The following TRPM3 variants were observed in gnomAD, a reference collection of about 807,000 sequenced individuals.
TRPM3 encodes the protein transient receptor potential cation channel subfamily M member 3.
A neutral mutation model predicts 181.2 loss-of-function variants in TRPM3; 77 were observed. The observed-to-expected ratio is 0.42, with a 90% confidence interval of 0.35 to 0.51. The LOEUF is 0.51. TRPM3 is among the 20% of genes least tolerant of loss of function. The probability of loss-of-function intolerance (pLI) is 0.01; values close to 1 mark genes in which losing one functional copy is unlikely to be tolerated. For missense variants in TRPM3, 1,759 were observed against 2,196.7 expected (o/e 0.80, Z 3.98); for synonymous variants, 745 against 796.4 (o/e 0.94, Z 1.09).
intron 1 of TRPM3, among the ~76,000 whole-genome samples, chr9:70,952,657 A>G (rs2097016735): frequency 1.3e-5 from 2 of 152,160 alleles, no homozygotes; most frequent in Non-Finnish European, 2.9e-5. Flanking sequence ...AAAGAGCGAA[A>G]AATTGGAAGT....
At chr9:70,843,630 T>G (rs2094816566) in intron 4 of TRPM3, among the ~76,000 whole-genome samples, 1 of 152,198 alleles carries the variant, frequency 6.6e-6, no homozygotes, top group Non-Finnish European at 1.5e-5. Flanking sequence ...AAGACAATGT[T>G]GGATTATTCT....
chr9:70,794,403 C>A (rs1229488080), intron 6 of TRPM3, among the ~76,000 whole-genome samples: 1 of 152,188 alleles, frequency 6.6e-6, no homozygotes. Context: ...GAGAGCAGCA[C>A]CACCTTCTAC....
intron 1 of TRPM3, among the ~76,000 whole-genome samples, chr9:71,151,161 T>C (rs1429149573): frequency 6.6e-6 from 1 of 152,180 alleles, no homozygotes; most frequent in Non-Finnish European, 1.5e-5. Context: ...GTTGAATAGG[T>C]AAAAATCTAA....
chr9:70,583,442 T>C (rs2056445315), intron 22 of TRPM3, among the ~76,000 whole-genome samples: 1 of 151,942 alleles, frequency 6.6e-6, no homozygotes, highest in Non-Finnish European at 1.5e-5. Flanking sequence ...AAACATAGGG[T>C]GAAACAAAAG....
chr9:70,819,192 T>C (rs747943191), intron 6 of TRPM3, among the ~76,000 whole-genome samples: 1 of 152,158 alleles, frequency 6.6e-6, no homozygotes, highest in Non-Finnish European at 1.5e-5. Context: ...CTGCATATTG[T>C]AGGATGTTAA....
At chr9:70,576,507 T>C (rs1403168354) in intron 22 of TRPM3, among the ~76,000 whole-genome samples, 6 of 149,154 alleles carry the variant, frequency 4.0e-5, no homozygotes, top group African/African-American at 1.5e-4. Context: ...TCCTCCTTCT[T>C]CTTTTTTTTT....
chr9:70,613,205 C>G (rs970846627), intron 18 of TRPM3, among the ~76,000 whole-genome samples: 1 of 152,106 alleles, frequency 6.6e-6, no homozygotes, highest in Admixed American at 6.6e-5. Context: ...TTGTTTATGT[C>G]TTTTCTCTGT....
Position 71,121,192 on chromosome 9 carries a change from C to A in TRPM3, c.163G>T (p.Val55Phe). ...KLCHAAFLPS[V>F]RLLKAQKSWI... is the part of the protein sequence containing the mutation. The stretch of plus-strand genomic sequence containing the variant: ...AGTTACAGTACCTTCAGAAGTCTGA[C>A]AGATGGAAGAAAGGCTGCGTGGCAC... The change falls in exon 1 of 26, where the codon GTC (valine) becomes TTC (phenylalanine). Residue 55 changes from valine (V) to phenylalanine (F), a missense_variant. Val to Phe is a conservative substitution (Grantham distance 50). This residue lies in a region of TRPM3 where 737 missense variants were observed against 957.4 expected (regional missense o/e 0.77). Transcript: ENST00000677713. 1 of 1,613,702 alleles carries A rather than the reference C, an allele frequency of 6.2e-7. No individual in the cohort carries two copies. Among genetic ancestry groups the A allele is most frequent in the Non-Finnish European group, 8.5e-7 (1 of 1,179,818 alleles).
At chr9:71,147,627 C>G (rs541252443) in intron 1 of TRPM3, among the ~76,000 whole-genome samples, 1 of 152,134 alleles carries the variant, frequency 6.6e-6, no homozygotes, top group African/African-American at 2.4e-5. Flanking sequence ...TTCTTTTAAA[C>G]GAATCTCTAG....
chr9:70,825,018 GC>G (rs1417643048), intron 6 of TRPM3: 2 of 152,200 alleles, frequency 1.3e-5, no homozygotes, highest in African/African-American at 4.8e-5. Context: ...GGAGCTTGCT[GC>G]TCCATCCGAC....
intron 11 of TRPM3, among the ~76,000 whole-genome samples, chr9:70,638,575 C>CA (rs1564656725): frequency 1.3e-5 from 2 of 150,334 alleles, no homozygotes; most frequent in African/African-American, 2.4e-5. Context: ...AAAACAAAAC[C>CA]AAAATTTTTG....
intron 1 of TRPM3, among the ~76,000 whole-genome samples, chr9:71,239,736 G>A (rs1335503209): frequency 2.0e-5 from 3 of 152,008 alleles, no homozygotes; most frequent in Non-Finnish European, 4.4e-5. Flanking sequence ...GTGCTTCTTA[G>A]AATTAGTAAC....
At chr9:71,262,626 C>T (rs1446400167) in intron 1 of TRPM3, among the ~76,000 whole-genome samples, 3 of 152,172 alleles carry the variant, frequency 2.0e-5, no homozygotes. Context: ...AAATGACCTC[C>T]CAGTTTTGTG....
chr9:70,878,708 CACAA>C (rs1331494294), intron 1 of TRPM3, among the ~76,000 whole-genome samples: 11 of 152,132 alleles, frequency 7.2e-5, no homozygotes, highest in Admixed American at 2.0e-4. Flanking sequence ...TCTTATCATT[CACAA>C]ACAGTTTGTG....
At chr9:70,632,994 C>T (rs2133424659) in intron 12 of TRPM3, among the ~76,000 whole-genome samples, 1 of 152,302 alleles carries the variant, frequency 6.6e-6, no homozygotes, top group East Asian at 1.9e-4. Context: ...ATAATTTATA[C>T]TCAGTGAAAT....
chr9:70,848,630 C>T (rs991751321), intron 3 of TRPM3, among the ~76,000 whole-genome samples: 1 of 152,132 alleles, frequency 6.6e-6, no homozygotes, highest in East Asian at 1.9e-4. Context: ...GACTGAAGAC[C>T]TACTCCTCAA....
At chr9:70,552,812 T>A (rs201254465) in intron 24 of TRPM3, 32 bp downstream of exon 24, 1 of 1,611,306 alleles carries the variant, frequency 6.2e-7, no homozygotes, top group South Asian at 1.1e-5. Context: ...GATTTCTGAT[T>A]TGTGGCAGCT....
At chr9:71,027,493 A>G (rs1398967945) in intron 1 of TRPM3, among the ~76,000 whole-genome samples, 1 of 152,234 alleles carries the variant, frequency 6.6e-6, no homozygotes, top group East Asian at 1.9e-4. Context: ...TAGAACTCAG[A>G]ATATGGATAG....
chr9:70,872,594 C>T (rs2095806747), intron 1 of TRPM3, among the ~76,000 whole-genome samples: 1 of 151,940 alleles, frequency 6.6e-6, no homozygotes, highest in Admixed American at 6.6e-5. Flanking sequence ...TAGTCCCTCA[C>T]ATTACCTGCC....
Sources: allele counts gnomAD v4.1 joint callset (sites outside exome capture counted in the v4.1 genomes callset), GRCh38; gene constraint gnomAD v4.1.1; regional missense constraint gnomAD v4.1.1; transcripts MANE v1.5; gene names NCBI Gene and HGNC (gene_info 2026-07-23, HGNC 2026-07-21).